Variants in PABPC4L observed in about 807,000 individuals in gnomAD.
PABPC4L encodes poly(A) binding protein cytoplasmic 4 like, also known as polyadenylate-binding protein 4-like.
For missense variants in PABPC4L, 452 were observed against 451.4 expected (o/e 1.00, Z -0.01); for synonymous variants, 169 against 164.1 (o/e 1.03, Z -0.23).
the PABPC4L span, among the ~76,000 whole-genome samples, chr4:134,121,543 A>G: frequency 1.3e-5 from 2 of 151,772 alleles, no homozygotes; most frequent in East Asian, 3.9e-4. Context: ...GAAGCTATCA[A>G]TTTCCCCAGA....
At chr4:134,061,109 T>C in the PABPC4L span, among the ~76,000 whole-genome samples, 2 of 152,090 alleles carry the variant, frequency 1.3e-5, no homozygotes, top group African/African-American at 4.8e-5. Context: ...AAAGGATAGA[T>C]GCTTGAGGTG....
At chr4:133,954,789 C>A in the PABPC4L span, among the ~76,000 whole-genome samples, 3 of 152,046 alleles carry the variant, frequency 2.0e-5, no homozygotes, top group Non-Finnish European at 4.4e-5. Context: ...GAATTCTTTA[C>A]CAACTTTAGG....
At chr4:134,151,236 G>A in the PABPC4L span, among the ~76,000 whole-genome samples, 17 of 152,106 alleles carry the variant, frequency 1.1e-4, no homozygotes, top group Non-Finnish European at 2.4e-4. Context: ...TAAAAACATG[G>A]AGCACTGTAT....
chr4:133,999,764 G>A, the PABPC4L span, among the ~76,000 whole-genome samples: 2 of 151,926 alleles, frequency 1.3e-5, no homozygotes, highest in East Asian at 1.9e-4. Flanking sequence ...ATATTTGGTC[G>A]TTTGAGGAGA....
chr4:134,114,155 G>T, the PABPC4L span, among the ~76,000 whole-genome samples: 3 of 151,620 alleles, frequency 2.0e-5, no homozygotes, highest in African/African-American at 7.3e-5. Context: ...CAAGAGGGTG[G>T]ATTTTGGAGT....
chr4:134,125,086 C>T, the PABPC4L span, among the ~76,000 whole-genome samples: 1 of 151,956 alleles, frequency 6.6e-6, no homozygotes, highest in African/African-American at 2.4e-5. Flanking sequence ...AAATACATTC[C>T]TGAGCAAGAA....
At chr4:134,085,668 T>C in the PABPC4L span, among the ~76,000 whole-genome samples, 1 of 152,182 alleles carries the variant, frequency 6.6e-6, no homozygotes, top group Non-Finnish European at 1.5e-5. Context: ...GATGAAACCA[T>C]GTGGCATGCT....
chr4:134,138,228 T>G, the PABPC4L span, among the ~76,000 whole-genome samples: 1 of 151,832 alleles, frequency 6.6e-6, no homozygotes, highest in Admixed American at 6.6e-5. Context: ...AGTAAAAATA[T>G]TTTGTACTAG....
chr4:134,161,730 T>C, the PABPC4L span, among the ~76,000 whole-genome samples: 2 of 152,052 alleles, frequency 1.3e-5, no homozygotes, highest in African/African-American at 4.8e-5. Flanking sequence ...ACTGAACATA[T>C]AAAACTTACT....
At chr4:134,107,912 A>T in the PABPC4L span, among the ~76,000 whole-genome samples, 1 of 151,520 alleles carries the variant, frequency 6.6e-6, no homozygotes, top group Admixed American at 6.6e-5. Context: ...AAAGACATAT[A>T]TTTTATTCTA....
chr4:134,200,526 C>G lies in PABPC4L; in HGVS notation c.494G>C (p.Cys165Ser). 1 of 1,551,640 alleles carries G rather than the reference C, an allele frequency of 6.4e-7. No homozygotes were observed. Among genetic ancestry groups the G allele is most frequent in the Non-Finnish European group, 8.7e-7 (1 of 1,146,992 alleles). The change falls in exon 2 of 2, where the codon TGC (cysteine) becomes TCC (serine). Residue 165 changes from cysteine to serine, a missense_variant. Cys to Ser is a moderately radical substitution (Grantham distance 112). Transcript: ENST00000421491. ...TTTGAATCTGCCAACAAACACCTTG[C>G]AGCCCTTGAGTAGTTTTCCATTCAT... Reference protein sequence around the residue: ...EEMNGKLLKGCKVFVGRFKNR... With the variant: ...EEMNGKLLKGSKVFVGRFKNR...
chr4:134,034,636 T>A, the PABPC4L span, among the ~76,000 whole-genome samples: 1 of 151,984 alleles, frequency 6.6e-6, no homozygotes, highest in Non-Finnish European at 1.5e-5. Flanking sequence ...TTTTGAGGAA[T>A]TCAAGACCAG....
At chr4:133,949,536 T>A in the PABPC4L span, among the ~76,000 whole-genome samples, 1 of 152,154 alleles carries the variant, frequency 6.6e-6, no homozygotes, top group Admixed American at 6.5e-5. Flanking sequence ...CTTTAAGGGT[T>A]CCTTAAGTGA....
At chr4:134,076,283 G>T in the PABPC4L span, among the ~76,000 whole-genome samples, 1 of 152,182 alleles carries the variant, frequency 6.6e-6, no homozygotes, top group African/African-American at 2.4e-5. Context: ...GAGAGGCTGG[G>T]TTAAAATAAG....
At chr4:134,092,774 CA>C in the PABPC4L span, among the ~76,000 whole-genome samples, 4 of 152,012 alleles carry the variant, frequency 2.6e-5, no homozygotes, top group Admixed American at 6.6e-5. Context: ...GTGAGCAAAA[CA>C]AGCCATCCCT....
chr4:133,989,785 A>G, the PABPC4L span, among the ~76,000 whole-genome samples: 1 of 152,130 alleles, frequency 6.6e-6, no homozygotes, highest in Non-Finnish European at 1.5e-5. Context: ...TTCTCAGGCT[A>G]CTGTGAAGAA....
In PABPC4L at chr4:134,199,827, A is replaced by C. The variant is rs1729787175; in HGVS notation, c.*80T>G. On this transcript the variant is annotated 3_prime_UTR_variant, in exon 2 of 2. Coordinates refer to ENST00000421491, the MANE Select transcript of PABPC4L (RefSeq NM_001114734.2). ...ACCCATCATGTGGAATATGAAATTT[A>C]CTGAGGTCAATTCAGGCAGAGATCA... The C allele has an allele frequency of 6.8e-7, 1 of 1,475,082 alleles. No homozygotes were observed. Among genetic ancestry groups the C allele is most frequent in the African/African-American group, 1.4e-5 (1 of 69,756 alleles). The allele number at this position is 1,475,082 out of a possible 1,614,324, so 91.4% of individuals were successfully genotyped here.
At chr4:134,086,720 C>CTTT in the PABPC4L span, among the ~76,000 whole-genome samples, 1 of 115,652 alleles carries the variant, frequency 8.6e-6, no homozygotes. Context: ...GCTTGAAAGT[C>CTTT]TTTTTTTTTT....
the PABPC4L span, among the ~76,000 whole-genome samples, chr4:134,087,720 G>A: frequency 6.6e-6 from 1 of 152,130 alleles, no homozygotes; most frequent in African/African-American, 2.4e-5. Context: ...CCTCTACAGA[G>A]ACTTCCTCAT....
Sources: gnomAD v4.1 joint callset for allele counts (sites outside exome capture counted in the v4.1 genomes callset) on GRCh38, gnomAD v4.1.1 for gene constraint, MANE v1.5 for transcripts, NCBI Gene and HGNC (gene_info 2026-07-23, HGNC 2026-07-21) for gene names.